The following IMMP2L variants were observed in gnomAD, a reference collection of about 807,000 sequenced individuals.
The protein encoded by IMMP2L is inner mitochondrial membrane peptidase subunit 2, also known as mitochondrial inner membrane protease subunit 2.
IMMP2L carries 18 observed loss-of-function variants against 19.3 expected under a neutral mutation model. That is an observed-to-expected ratio of 0.93 (90% confidence interval 0.64 to 1.38). The LOEUF is 1.38. IMMP2L is among the 40% of genes most tolerant of loss of function. The pLI is 0.00. For synonymous variants in IMMP2L, 76 were observed against 73.0 expected, an observed-to-expected ratio of 1.04 and a Z score of -0.21; for missense variants, 233 against 218.2, an observed-to-expected ratio of 1.07 and a Z score of -0.43.
intron 3 of IMMP2L, among the ~76,000 whole-genome samples, chr7:111,459,458 CTAAT>C (rs539362177): frequency 8.5e-4 from 129 of 152,128 alleles, no homozygotes; most frequent in Admixed American, 2.2e-3. Context: ...TTTAAATAAA[CTAAT>C]CAATCAACCA....
At chr7:110,693,537 G>A (rs1007486849) in intron 5 of IMMP2L, among the ~76,000 whole-genome samples, 45 of 152,276 alleles carry the variant, frequency 3.0e-4, no homozygotes, top group African/African-American at 1.1e-3. Flanking sequence ...TTTGTTAATT[G>A]CTGTATCCTG....
At chr7:110,794,258 T>C (rs1800693825) in intron 5 of IMMP2L, among the ~76,000 whole-genome samples, 1 of 152,222 alleles carries the variant, frequency 6.6e-6, no homozygotes, top group African/African-American at 2.4e-5. Flanking sequence ...AAGACGTCCT[T>C]GAGCAGATGA....
At chr7:111,120,560 G>C (rs1053799907) in intron 3 of IMMP2L, among the ~76,000 whole-genome samples, 3 of 152,100 alleles carry the variant, frequency 2.0e-5, no homozygotes, top group African/African-American at 7.2e-5. Context: ...AACCATATCA[G>C]TGATGTAATA....
intron 3 of IMMP2L, among the ~76,000 whole-genome samples, chr7:111,326,888 G>T (rs1164741829): frequency 1.3e-5 from 2 of 151,758 alleles, no homozygotes; most frequent in Non-Finnish European, 2.9e-5. Context: ...CTGAAATCAG[G>T]ATCTCAAAGA....
intron 4 of IMMP2L, among the ~76,000 whole-genome samples, chr7:110,929,255 C>T (rs113861395): frequency 6.1e-4 from 93 of 152,202 alleles, no homozygotes; most frequent in African/African-American, 2.2e-3. Context: ...TAATTAGTTT[C>T]TTGTATCTGT....
intron 5 of IMMP2L, among the ~76,000 whole-genome samples, chr7:110,858,093 T>G (rs1169873220): frequency 6.6e-6 from 1 of 152,120 alleles, no homozygotes; most frequent in Non-Finnish European, 1.5e-5. Context: ...GATTTCTTTC[T>G]TCCTTTCAAT....
chr7:111,162,376 G>A (rs1371944704), intron 3 of IMMP2L, among the ~76,000 whole-genome samples: 8 of 151,914 alleles, frequency 5.3e-5, no homozygotes, highest in African/African-American at 9.7e-5. Flanking sequence ...AGGTAAACAC[G>A]CGCTCTTAGA....
At chr7:110,893,368 G>A (rs1050316954) in intron 4 of IMMP2L, among the ~76,000 whole-genome samples, 4 of 152,116 alleles carry the variant, frequency 2.6e-5, no homozygotes, top group Non-Finnish European at 4.4e-5. Context: ...AGGTATGACT[G>A]TAAATGGGAA....
Position 110,923,506 on chromosome 7 carries a change from A to G in IMMP2L, c.306-36811T>C, listed in dbSNP as rs578155145. ...AAGCATAAAAGGTGAACTCTTAAAT[A>G]TATTGGATTCTCCCTGAAAGGAGGC... On this transcript the variant is annotated intron_variant, in intron 4 of 5. Transcript: ENST00000405709. Among the ~76,000 whole-genome samples the G allele has an allele frequency of 4.6e-5, 7 of 152,298 alleles. No homozygotes were observed. The East Asian group carries it at 1.4e-3, about 29-fold the overall frequency.
intron 5 of IMMP2L, among the ~76,000 whole-genome samples, chr7:110,771,553 GGA>G (rs1554412182): frequency 6.6e-6 from 1 of 151,992 alleles, no homozygotes; most frequent in Non-Finnish European, 1.5e-5. Context: ...GTTCCTTATC[GGA>G]AAACAAGAAA....
intron 3 of IMMP2L, among the ~76,000 whole-genome samples, chr7:111,445,742 C>T (rs1838299553): frequency 6.6e-6 from 1 of 152,160 alleles, no homozygotes; most frequent in African/African-American, 2.4e-5. Context: ...GTCTACAGCT[C>T]CCAGCGTGAG....
intron 3 of IMMP2L, among the ~76,000 whole-genome samples, chr7:111,159,133 A>G (rs1804970751): frequency 1.3e-5 from 2 of 152,130 alleles, no homozygotes; most frequent in South Asian, 4.1e-4. Flanking sequence ...TTATTTATTT[A>G]GAGACGGAGT....
intron 5 of IMMP2L, among the ~76,000 whole-genome samples, chr7:110,696,377 T>C (rs1793875152): frequency 6.6e-6 from 1 of 151,584 alleles, no homozygotes; most frequent in South Asian, 2.1e-4. Context: ...AGACTCAGTA[T>C]TCCAGGTAAG....
chr7:111,260,756 A>C (rs893095537), intron 3 of IMMP2L, among the ~76,000 whole-genome samples: 12 of 152,130 alleles, frequency 7.9e-5, no homozygotes, highest in African/African-American at 2.9e-4. Flanking sequence ...TATACAATCG[A>C]AACAGGTATT....
At chr7:111,127,931 C>T (rs1232800811) in intron 3 of IMMP2L, among the ~76,000 whole-genome samples, 1 of 151,958 alleles carries the variant, frequency 6.6e-6, no homozygotes, top group East Asian at 1.9e-4. Flanking sequence ...CAGTGCAAAA[C>T]AAAATATGTA....
intron 3 of IMMP2L, among the ~76,000 whole-genome samples, chr7:111,041,516 TAA>T (rs1280583908): frequency 1.3e-5 from 2 of 151,700 alleles, no homozygotes; most frequent in Admixed American, 6.6e-5. Context: ...CATGTAAAGT[TAA>T]ACTCTTTTTG....
At chr7:111,197,199 A>G (rs570012129) in intron 3 of IMMP2L, among the ~76,000 whole-genome samples, 1 of 152,296 alleles carries the variant, frequency 6.6e-6, no homozygotes, top group East Asian at 1.9e-4. Context: ...TCGGTGGCTC[A>G]CGCCTGTAAT....
intron 3 of IMMP2L, among the ~76,000 whole-genome samples, chr7:111,429,785 T>C (rs922623159): frequency 6.6e-6 from 1 of 151,900 alleles, no homozygotes; most frequent in Non-Finnish European, 1.5e-5. Context: ...TTGGGGAACA[T>C]TTTTACAAAC....
In IMMP2L at chr7:111,123,773, C is replaced by T. The variant is rs1349913356; in HGVS notation, c.240-160208G>A. 6.2e-7 allele frequency: 1 copy of T among 1,613,942 alleles called. No homozygotes were observed. The highest frequency in any genetic ancestry group is 1.7e-5 in the Admixed American group (1 of 59,972). On this transcript the variant is annotated intron_variant, in intron 3 of 5. Transcript: ENST00000405709. The surrounding 1 kb of genome is among the most constrained non-coding windows in gnomAD (Gnocchi z 6.4). The stretch of plus-strand genomic sequence containing the variant: ...CACCCCAATGCATTTTTCAGACTCC[C>T]CAAGCTGGAATCACTCATGCTGAAC...
Sources: gnomAD v4.1 joint callset for allele counts (sites outside exome capture counted in the v4.1 genomes callset) on GRCh38, gnomAD v4.1.1 for gene constraint, Gnocchi (gnomAD v3.1) non-coding constraint, MANE v1.5 for transcripts, NCBI Gene and HGNC (gene_info 2026-07-23, HGNC 2026-07-21) for gene names.